The following FILIP1L variants were observed in gnomAD, a reference collection of about 807,000 sequenced individuals.
The protein encoded by FILIP1L is filamin A interacting protein 1 like, also known as filamin A-interacting protein 1-like.
Under a neutral mutation model 96.6 loss-of-function variants are expected in FILIP1L, and 55 were observed. That is an observed-to-expected ratio of 0.57 (90% CI 0.46 to 0.71). The LOEUF is 0.71. Ranked by LOEUF, FILIP1L falls within the 30% of genes least tolerant of loss-of-function variation. The probability of loss-of-function intolerance (pLI) is 0.00; values close to 1 mark genes in which losing one functional copy is unlikely to be tolerated. For missense variants in FILIP1L, 1,304 were observed against 1,321.2 expected, an observed-to-expected ratio of 0.99 and a Z score of 0.20; for synonymous variants, 467 against 473.9, an observed-to-expected ratio of 0.99 and a Z score of 0.19.
At chr3:99,972,317 G>A (rs892664013) in intron 1 of FILIP1L, among the ~76,000 whole-genome samples, 5 of 152,182 alleles carry the variant, frequency 3.3e-5, no homozygotes, top group African/African-American at 4.8e-5. Context: ...AGATGCCAGG[G>A]ATTTGCATGT....
intron 4 of FILIP1L, among the ~76,000 whole-genome samples, chr3:99,856,334 C>T (rs572583960): frequency 6.6e-6 from 1 of 152,288 alleles, no homozygotes; most frequent in South Asian, 2.1e-4. Context: ...GACGTTGATC[C>T]CTTAAATCTC....
intron 4 of FILIP1L, among the ~76,000 whole-genome samples, chr3:99,896,471 G>A (rs996059567): frequency 9.2e-5 from 14 of 152,102 alleles, no homozygotes; most frequent in African/African-American, 3.1e-4. Context: ...TTCATGAATG[G>A]TAGTCACCTT....
At chr3:99,918,559 CT>C (rs1462870192) in intron 4 of FILIP1L, among the ~76,000 whole-genome samples, 1 of 152,176 alleles carries the variant, frequency 6.6e-6, no homozygotes, top group Non-Finnish European at 1.5e-5. Context: ...AGCATTGTCA[CT>C]CTATCTGAAT....
chr3:100,088,189 G>C (rs1160389112), intron 1 of FILIP1L, among the ~76,000 whole-genome samples: 1 of 152,140 alleles, frequency 6.6e-6, no homozygotes, highest in African/African-American at 2.4e-5. Flanking sequence ...TTGGGAGCTT[G>C]CTGGGATGGA....
At chr3:100,096,924 A>C (rs1426949118) in intron 1 of FILIP1L, among the ~76,000 whole-genome samples, 1 of 152,232 alleles carries the variant, frequency 6.6e-6, no homozygotes, top group Non-Finnish European at 1.5e-5. Context: ...TAAAAATAAA[A>C]AAATTTTAAA....
At chr3:100,069,453 C>T (rs1445089599) in intron 1 of FILIP1L, among the ~76,000 whole-genome samples, 5 of 152,106 alleles carry the variant, frequency 3.3e-5, no homozygotes, top group African/African-American at 9.7e-5. Flanking sequence ...AAGGAGATGG[C>T]TGGTTGTGTG....
chr3:99,912,504 G>C (rs565755912), intron 4 of FILIP1L, among the ~76,000 whole-genome samples: 129 of 152,238 alleles, frequency 8.5e-4, no homozygotes, highest in African/African-American at 2.8e-3. Context: ...CAGCCGCCCA[G>C]GTAGCTGGGA....
intron 1 of FILIP1L, among the ~76,000 whole-genome samples, chr3:100,102,010 C>T (rs890145883): frequency 5.3e-5 from 8 of 152,146 alleles, no homozygotes; most frequent in African/African-American, 1.9e-4. Flanking sequence ...TTTCTTAATC[C>T]AGTCGATCAT....
chr3:99,990,040 A>C (rs1559716429), intron 1 of FILIP1L, among the ~76,000 whole-genome samples: 1 of 152,146 alleles, frequency 6.6e-6, no homozygotes, highest in East Asian at 1.9e-4. Context: ...AATCCCATAA[A>C]ATGACTATTT....
chr3:99,957,265 A>C (rs1014065679), intron 1 of FILIP1L, among the ~76,000 whole-genome samples: 6 of 152,110 alleles, frequency 3.9e-5, no homozygotes, highest in African/African-American at 1.4e-4. Context: ...AATGAACCAC[A>C]TGCATTGTAT....
chr3:99,911,842 C>T (rs1426606455), intron 4 of FILIP1L, among the ~76,000 whole-genome samples: 1 of 151,990 alleles, frequency 6.6e-6, no homozygotes, highest in Non-Finnish European at 1.5e-5. Context: ...TTTCCTAGTT[C>T]CTAGTTCCAA....
intron 1 of FILIP1L, among the ~76,000 whole-genome samples, chr3:100,022,607 T>C (rs2064846150): frequency 6.6e-6 from 1 of 152,276 alleles, no homozygotes; most frequent in Admixed American, 6.5e-5. Flanking sequence ...GGAATGGACA[T>C]AGATGAGGGA....
At chr3:99,979,125 T>C (rs1709049335) in intron 1 of FILIP1L, among the ~76,000 whole-genome samples, 1 of 152,310 alleles carries the variant, frequency 6.6e-6, no homozygotes, top group East Asian at 1.9e-4. Context: ...AAATGATAAA[T>C]GTTTGAGGTG....
intron 5 of FILIP1L, chr3:99,848,064 T>C: frequency 7.7e-7 from 1 of 1,299,772 alleles, no homozygotes; most frequent in African/African-American, 1.5e-5. Context: ...ATATTTTCCA[T>C]ACAAGTATGT....
At chr3:100,044,997 C>T (rs542365408) in intron 1 of FILIP1L, among the ~76,000 whole-genome samples, 55 of 152,156 alleles carry the variant, frequency 3.6e-4, no homozygotes, top group Middle Eastern at 6.8e-3. Flanking sequence ...CTAGCCTGGG[C>T]GTAGAGAGGA....
intron 1 of FILIP1L, among the ~76,000 whole-genome samples, chr3:100,105,790 T>C (rs1381609224): frequency 1.3e-5 from 2 of 152,186 alleles, no homozygotes; most frequent in African/African-American, 2.4e-5. Flanking sequence ...TCACTCTTCC[T>C]TCTCCAAATA....
chr3:99,974,984 A>G (rs1320636873), intron 1 of FILIP1L, among the ~76,000 whole-genome samples: 1 of 152,178 alleles, frequency 6.6e-6, no homozygotes, highest in Non-Finnish European at 1.5e-5. Context: ...CATTTTCACA[A>G]GTTCATTAAG....
intron 5 of FILIP1L, among the ~76,000 whole-genome samples, chr3:99,840,467 C>A (rs1258787371): frequency 6.6e-6 from 1 of 152,006 alleles, no homozygotes; most frequent in African/African-American, 2.4e-5. Flanking sequence ...CATGATCTGC[C>A]CGCTTTGGCC....
At chr3:100,044,738 G>T (rs1256131060) in intron 1 of FILIP1L, among the ~76,000 whole-genome samples, 2 of 152,128 alleles carry the variant, frequency 1.3e-5, no homozygotes, top group African/African-American at 4.8e-5. Context: ...TCTGATTATT[G>T]TACCTCATCA....
Sources: gnomAD v4.1 joint callset for allele counts (sites outside exome capture counted in the v4.1 genomes callset) on GRCh38, gnomAD v4.1.1 for gene constraint, MANE v1.5 for transcripts, NCBI Gene and HGNC (gene_info 2026-07-23, HGNC 2026-07-21) for gene names.